Variants in TRMT10B observed in about 807,000 individuals in gnomAD.
TRMT10B encodes tRNA methyltransferase 10B.
Under a neutral mutation model 43.8 loss-of-function variants are expected in TRMT10B, and 33 were observed. That is an observed-to-expected ratio of 0.75 (90% confidence interval 0.57 to 1.01). The LOEUF is 1.01. TRMT10B is among the 50% of genes least tolerant of loss of function. The probability of loss-of-function intolerance (pLI) is 0.00; values close to 1 mark genes in which losing one functional copy is unlikely to be tolerated. For missense variants in TRMT10B, 362 were observed against 369.8 expected (o/e 0.98, Z 0.17); for synonymous variants, 137 against 130.6 (o/e 1.05, Z -0.34).
At chr9:37,771,326 T>C (rs1256728376) in intron 7 of TRMT10B, among the ~76,000 whole-genome samples, 2 of 152,202 alleles carry the variant, frequency 1.3e-5, no homozygotes, top group Non-Finnish European at 2.9e-5. Context: ...AAGTCTTTCC[T>C]ACCTTTGTCT....
chr9:37,764,001 G>C, intron 4 of TRMT10B: 1 of 507,098 alleles, frequency 2.0e-6, no homozygotes, highest in East Asian at 4.6e-5. Context: ...CAACATCTTT[G>C]CCTCTCTGTT....
At chr9:37,756,498 G>C (rs562132220) in intron 1 of TRMT10B, among the ~76,000 whole-genome samples, 1 of 151,938 alleles carries the variant, frequency 6.6e-6, no homozygotes, top group South Asian at 2.1e-4. Context: ...CTTGGGTCAG[G>C]AGTTTGAGAC....
intron 7 of TRMT10B, among the ~76,000 whole-genome samples, chr9:37,774,454 A>T (rs1400901414): frequency 6.6e-6 from 1 of 152,200 alleles, no homozygotes; most frequent in Non-Finnish European, 1.5e-5. Context: ...TTTGGTTGTT[A>T]TTGGAGTTTG....
At chr9:37,764,770 G>T (rs577234891) in intron 4 of TRMT10B, among the ~76,000 whole-genome samples, 44 of 152,114 alleles carry the variant, frequency 2.9e-4, no homozygotes, top group Non-Finnish European at 5.6e-4. Flanking sequence ...ATTGATGAAA[G>T]AGGGATTCCC....
chr9:37,758,089 A>G (rs886637680), intron 1 of TRMT10B, among the ~76,000 whole-genome samples: 10 of 152,224 alleles, frequency 6.6e-5, no homozygotes, highest in African/African-American at 2.4e-4. Flanking sequence ...CCATCTCTAC[A>G]GTGAATAATA....
At chr9:37,777,196 A>AT (rs1158616612) in intron 8 of TRMT10B, among the ~76,000 whole-genome samples, 2 of 8,882 alleles carry the variant, frequency 2.3e-4, no homozygotes, top group Admixed American at 1.8e-3. Context: ...CTCCGCCTCA[A>AT]AAAAAAAAAA....
At chr9:37,763,558 C>G (rs2118792654) in intron 3 of TRMT10B, 71 bp from the exon 4 acceptor site, 3 of 1,392,704 alleles carry the variant, frequency 2.2e-6, no homozygotes, top group African/African-American at 2.9e-5. Context: ...ACCCACCTGG[C>G]TAAGATTTGT....
Position 37,777,524 on chromosome 9 carries a change from T to C in TRMT10B, c.845-77T>C, listed in dbSNP as rs1188388887. The C allele has an allele frequency of 4.0e-6, 5 of 1,257,866 alleles. No individual in the cohort carries two copies. In the African/African-American group the frequency reaches 5.9e-5, roughly 15 times the overall value. The allele number at this position is 1,257,866 out of a possible 1,614,324, so 77.9% of individuals were successfully genotyped here. On this transcript the variant is annotated intron_variant, in intron 8 of 8. Coordinates refer to ENST00000297994, the MANE Select transcript of TRMT10B (RefSeq NM_144964.4). ...CAGAATAGGTTTGTTGAACGAAATATTACAGAACATCCTTTTCATTTACTC... is the reference window on the plus strand; with the variant it reads ...CAGAATAGGTTTGTTGAACGAAATACTACAGAACATCCTTTTCATTTACTC...
chr9:37,774,446 T>C (rs1827920110), intron 7 of TRMT10B, among the ~76,000 whole-genome samples: 1 of 152,262 alleles, frequency 6.6e-6, no homozygotes, highest in African/African-American at 2.4e-5. Context: ...TAGAACTTTT[T>C]GGTTGTTATT....
At chr9:37,764,585 T>C (rs1826782220) in intron 4 of TRMT10B, among the ~76,000 whole-genome samples, 1 of 151,896 alleles carries the variant, frequency 6.6e-6, no homozygotes, top group Non-Finnish European at 1.5e-5. Context: ...CACACCCAGC[T>C]AATTTTTTTT....
chr9:37,777,544 T>C, intron 8 of TRMT10B, 57 bp from the exon 9 acceptor site: 3 of 1,364,150 alleles, frequency 2.2e-6, no homozygotes, highest in Non-Finnish European at 3.1e-6. Context: ...TCCTTTTCAT[T>C]TACTCGTTCT....
intron 4 of TRMT10B, 80 bp downstream of exon 4, chr9:37,763,833 C>T: frequency 6.2e-7 from 1 of 1,609,608 alleles, no homozygotes; most frequent in Non-Finnish European, 8.5e-7. Context: ...AGAATATGGT[C>T]AACTCCAGCT....
intron 1 of TRMT10B, among the ~76,000 whole-genome samples, chr9:37,756,760 A>G (rs1434903411): frequency 6.6e-6 from 1 of 151,776 alleles, no homozygotes; most frequent in East Asian, 1.9e-4. Context: ...ACACATATAT[A>G]TATACACATA....
At chr9:37,770,646 C>G in intron 6 of TRMT10B, 26 bp from the exon 7 acceptor site, 1 of 1,592,052 alleles carries the variant, frequency 6.3e-7, no homozygotes, top group Middle Eastern at 1.8e-4. Flanking sequence ...CAGATTTGAT[C>G]TCATTGGCCT....
chr9:37,777,055 A>G (rs1828233681), intron 8 of TRMT10B, among the ~76,000 whole-genome samples: 1 of 150,466 alleles, frequency 6.6e-6, no homozygotes, highest in African/African-American at 2.5e-5. Context: ...TTAGCAGGGC[A>G]TAGTGGCAGG....
intron 1 of TRMT10B, among the ~76,000 whole-genome samples, chr9:37,755,778 GA>G (rs1398720727): frequency 4.6e-5 from 7 of 152,168 alleles, no homozygotes; most frequent in Non-Finnish European, 1.0e-4. Flanking sequence ...AAAAGGAGGG[GA>G]AAAGAAAGGA....
At chr9:37,753,125 G>T (rs185835983), upstream of TRMT10B, among the ~76,000 whole-genome samples, 3 of 151,872 alleles carry the variant, frequency 2.0e-5, no homozygotes. Flanking sequence ...CACTCATTGC[G>T]AAGATCTGCA....
chr9:37,763,494 T>C, intron 3 of TRMT10B, 135 bp from the exon 4 acceptor site: 1 of 711,324 alleles, frequency 1.4e-6, no homozygotes, highest in South Asian at 1.9e-5. Flanking sequence ...TGTGTAAATC[T>C]TCTAATGAAC....
intron 1 of TRMT10B, among the ~76,000 whole-genome samples, chr9:37,758,749 A>T (rs1294399260): frequency 1.3e-5 from 2 of 152,220 alleles, no homozygotes; most frequent in African/African-American, 4.8e-5. Flanking sequence ...TGGAGAAAGG[A>T]TATGAAGAAA....
Sources: gnomAD v4.1 joint callset for allele counts (sites outside exome capture counted in the v4.1 genomes callset) on GRCh38, gnomAD v4.1.1 for gene constraint, MANE v1.5 for transcripts, NCBI Gene and HGNC (gene_info 2026-07-23, HGNC 2026-07-21) for gene names.